The following PIK3C2G variants were observed in gnomAD, a reference collection of about 807,000 sequenced individuals.
The protein encoded by PIK3C2G is phosphatidylinositol-4-phosphate 3-kinase catalytic subunit type 2 gamma, also known as phosphatidylinositol 3-kinase C2 domain-containing subunit gamma.
Under a neutral mutation model 181.1 loss-of-function variants are expected in PIK3C2G, and 168 were observed. The observed-to-expected ratio is 0.93, with a 90% CI of 0.82 to 1.05. PIK3C2G has a LOEUF of 1.05. Among genes scored for constraint, PIK3C2G ranks in the 50% least tolerant of loss-of-function variants. PIK3C2G has a pLI of 0.00. For missense variants in PIK3C2G, 1,869 were observed against 1,732.8 expected (o/e 1.08, Z -1.40); for synonymous variants, 573 against 592.2 (o/e 0.97, Z 0.47).
At chr12:18,297,950 G>A (rs1009701435) in intron 5 of PIK3C2G, among the ~76,000 whole-genome samples, 5 of 151,642 alleles carry the variant, frequency 3.3e-5, no homozygotes, top group African/African-American at 7.3e-5. Flanking sequence ...GGTTGATTCC[G>A]TATCTTGGCT....
chr12:18,347,865 TA>T (rs1006629346), intron 11 of PIK3C2G, among the ~76,000 whole-genome samples: 10 of 152,050 alleles, frequency 6.6e-5, no homozygotes, highest in Non-Finnish European at 1.2e-4. Context: ...CTGTATTTTT[TA>T]AAAAATAAAC....
At chr12:18,395,123 C>CTTTCTTTCTTT (rs1308877221) in intron 15 of PIK3C2G, among the ~76,000 whole-genome samples, 1 of 125,676 alleles carries the variant, frequency 8.0e-6, no homozygotes, top group Admixed American at 1.0e-4. Flanking sequence ...TTCTCTCTTT[C>CTTTCTTTCTTT]CCTTCTTTCT....
intron 30 of PIK3C2G, among the ~76,000 whole-genome samples, chr12:18,608,563 G>T (rs1280388630): frequency 8.2e-6 from 1 of 121,522 alleles, no homozygotes; most frequent in South Asian, 3.3e-4. Flanking sequence ...GTTGTGGGGT[G>T]GGGGGAGGGG....
intron 1 of PIK3C2G, among the ~76,000 whole-genome samples, chr12:18,262,506 T>A (rs996288539): frequency 6.6e-6 from 1 of 152,024 alleles, no homozygotes; most frequent in African/African-American, 2.4e-5. Flanking sequence ...ATGTTATTTA[T>A]TCTCCACGCA....
intron 11 of PIK3C2G, among the ~76,000 whole-genome samples, chr12:18,359,132 T>G (rs1256247969): frequency 6.6e-6 from 1 of 152,230 alleles, no homozygotes; most frequent in Non-Finnish European, 1.5e-5. Context: ...CTCCTCAAGC[T>G]GTAAGCACTG....
At chr12:18,438,200 T>C (rs1323441108) in intron 18 of PIK3C2G, among the ~76,000 whole-genome samples, 1 of 151,916 alleles carries the variant, frequency 6.6e-6, no homozygotes, top group Non-Finnish European at 1.5e-5. Flanking sequence ...ATGTATTTAT[T>C]AACAATTATT....
intron 2 of PIK3C2G, among the ~76,000 whole-genome samples, chr12:18,284,149 T>C (rs935372323): frequency 6.6e-5 from 10 of 152,120 alleles, no homozygotes; most frequent in Admixed American, 1.3e-4. Flanking sequence ...TAGTAGATAA[T>C]GTCAGCGTTT....
At chr12:18,711,177 A>G in the PIK3C2G span, among the ~76,000 whole-genome samples, 1 of 152,032 alleles carries the variant, frequency 6.6e-6, no homozygotes, top group Non-Finnish European at 1.5e-5. Context: ...AATGGGGAAC[A>G]TATACACCAT....
intron 26 of PIK3C2G, among the ~76,000 whole-genome samples, chr12:18,550,356 A>T (rs779071817): frequency 4.6e-5 from 7 of 152,078 alleles, no homozygotes; most frequent in Non-Finnish European, 8.8e-5. Flanking sequence ...AAACAACTTT[A>T]ATGGAACTCT....
the PIK3C2G span, among the ~76,000 whole-genome samples, chr12:18,683,933 A>C: frequency 6.6e-6 from 1 of 152,006 alleles, no homozygotes; most frequent in Non-Finnish European, 1.5e-5. Context: ...CCTTCCTGTC[A>C]GTCCCACACC....
intron 24 of PIK3C2G, among the ~76,000 whole-genome samples, chr12:18,522,022 G>C (rs1048969268): frequency 6.6e-6 from 1 of 152,162 alleles, no homozygotes; most frequent in African/African-American, 2.4e-5. Context: ...CTCTCAGGTG[G>C]CCCACTGCAC....
the PIK3C2G span, chr12:18,723,474 C>G: frequency 6.2e-7 from 1 of 1,612,842 alleles, no homozygotes; most frequent in Non-Finnish European, 8.5e-7. Flanking sequence ...CTTCTCTGTG[C>G]GTGATAATTC....
intron 24 of PIK3C2G, among the ~76,000 whole-genome samples, chr12:18,537,691 G>T (rs985564970): frequency 1.3e-5 from 2 of 151,856 alleles, no homozygotes; most frequent in African/African-American, 2.4e-5. Context: ...GGTAACATCT[G>T]CTTGCTTCTT....
At chr12:18,497,545 A>C (rs1941113829) in intron 21 of PIK3C2G, 74 bp from the exon 22 acceptor site, 1 of 1,118,072 alleles carries the variant, frequency 8.9e-7, no homozygotes, top group Non-Finnish European at 1.3e-6. Flanking sequence ...GAAAAGTGAC[A>C]TGTACTGTAT....
At chr12:18,535,629 A>G (rs1374980569) in intron 24 of PIK3C2G, among the ~76,000 whole-genome samples, 1 of 152,154 alleles carries the variant, frequency 6.6e-6, no homozygotes, top group African/African-American at 2.4e-5. Flanking sequence ...AGTTTCAGGA[A>G]GTTGTAAAAA....
chr12:18,488,203 T>A (rs1314521236), intron 18 of PIK3C2G, among the ~76,000 whole-genome samples: 1 of 152,088 alleles, frequency 6.6e-6, no homozygotes, highest in Non-Finnish European at 1.5e-5. Flanking sequence ...GGAGAAAAGA[T>A]GTGTTATGAA....
chr12:18,327,363 A>G (rs1041009454), intron 8 of PIK3C2G, among the ~76,000 whole-genome samples: 7 of 152,122 alleles, frequency 4.6e-5, no homozygotes, highest in African/African-American at 1.7e-4. Context: ...TTGGAAAAAT[A>G]ATGTTTTTTT....
intron 30 of PIK3C2G, among the ~76,000 whole-genome samples, chr12:18,606,479 G>A (rs1269999797): frequency 6.6e-6 from 1 of 151,938 alleles, no homozygotes; most frequent in Non-Finnish European, 1.5e-5. Context: ...GTCTCTCCCA[G>A]TTAGTGTAAT....
intron 18 of PIK3C2G, among the ~76,000 whole-genome samples, chr12:18,478,571 G>A (rs1408956719): frequency 2.6e-5 from 4 of 152,170 alleles, no homozygotes; most frequent in Admixed American, 1.3e-4. Context: ...GGGTGGAGGA[G>A]AAGTGAGTCA....
Sources: allele counts gnomAD v4.1 joint callset (sites outside exome capture counted in the v4.1 genomes callset), GRCh38; gene constraint gnomAD v4.1.1; transcripts MANE v1.5; gene names NCBI Gene and HGNC (gene_info 2026-07-23, HGNC 2026-07-21).